The following MGAT5 variants were observed in gnomAD, a reference collection of about 807,000 sequenced individuals.
MGAT5 encodes the protein alpha-1,6-mannosylglycoprotein 6-beta-N-acetylglucosaminyltransferase.
In MGAT5, 30 loss-of-function variants were observed where a neutral mutation model predicts 94.3. The ratio of observed to expected loss-of-function variants is 0.32; its 90% CI spans 0.24 to 0.43. The LOEUF is 0.43. Among genes scored for constraint, MGAT5 ranks in the 20% least tolerant of loss-of-function variants. MGAT5 has a pLI of 1.00. For synonymous variants in MGAT5, 310 were observed against 322.9 expected, an observed-to-expected ratio of 0.96 and a Z score of 0.43; for missense variants, 691 against 905.5, an observed-to-expected ratio of 0.76 and a Z score of 3.04.
At chr2:134,202,821 A>G (rs1319273943) in intron 1 of MGAT5, among the ~76,000 whole-genome samples, 3 of 152,330 alleles carry the variant, frequency 2.0e-5, no homozygotes, top group East Asian at 3.9e-4. Flanking sequence ...AATGTAACCC[A>G]ACAACAAACA....
Position 134,274,560 on chromosome 2 carries a change from C to T in MGAT5, c.406+4010C>T, listed in dbSNP as rs556049959. Among the ~76,000 whole-genome samples the T allele has an allele frequency of 2.0e-5, 3 of 147,498 alleles. No individual in the cohort carries two copies. In the South Asian group the frequency reaches 6.5e-4, roughly 32 times the overall value. On this transcript the variant is annotated intron_variant, in intron 2 of 15. Coordinates refer to ENST00000281923, the MANE Select transcript of MGAT5 (RefSeq NM_002410.5). ...GAGGACAAGAACATTGTGTAGCTCT[C>T]TACGGGGTAGTGTATGTATGTGCAT... is the stretch of plus-strand genomic sequence containing the variant.
chr2:134,183,713 T>C (rs972835373), intron 1 of MGAT5, among the ~76,000 whole-genome samples: 3 of 152,222 alleles, frequency 2.0e-5, no homozygotes, highest in Non-Finnish European at 4.4e-5. Flanking sequence ...CTATTATTTT[T>C]AAAAAATAGG....
intron 2 of MGAT5, among the ~76,000 whole-genome samples, chr2:134,308,246 A>C (rs1344152151): frequency 6.6e-6 from 1 of 152,172 alleles, no homozygotes; most frequent in African/African-American, 2.4e-5. Context: ...TTTAGAGCTC[A>C]ACTCAAATCC....
chr2:134,331,155 CA>C (rs1037835968), intron 4 of MGAT5, among the ~76,000 whole-genome samples: 1 of 152,054 alleles, frequency 6.6e-6, no homozygotes, highest in African/African-American at 2.4e-5. Flanking sequence ...CTTTGATTCA[CA>C]ATGTTCATGT....
At chr2:134,290,731 C>G (rs537451696) in intron 2 of MGAT5, among the ~76,000 whole-genome samples, 1 of 152,254 alleles carries the variant, frequency 6.6e-6, no homozygotes, top group East Asian at 1.9e-4. Flanking sequence ...TATCTGGTGT[C>G]TGCTATGAGT....
intron 1 of MGAT5, among the ~76,000 whole-genome samples, chr2:134,262,555 A>G (rs1683402860): frequency 6.6e-6 from 1 of 151,962 alleles, no homozygotes. Context: ...ATTTAAAACA[A>G]AAGTTTTTTT....
chr2:134,306,918 C>T (rs1036784015), intron 2 of MGAT5, among the ~76,000 whole-genome samples: 4 of 152,146 alleles, frequency 2.6e-5, no homozygotes, highest in Middle Eastern at 3.4e-3. Flanking sequence ...TTTAAAAGAC[C>T]GGGACATGCG....
At chr2:134,332,815 C>A (rs200078067) in intron 4 of MGAT5, among the ~76,000 whole-genome samples, 116 of 135,676 alleles carry the variant, frequency 8.5e-4, no homozygotes, top group African/African-American at 1.3e-3. Flanking sequence ...ATTTATGCAG[C>A]CAAAAAACAC....
intron 1 of MGAT5, among the ~76,000 whole-genome samples, chr2:134,206,486 T>C (rs552163671): frequency 6.6e-6 from 1 of 152,338 alleles, no homozygotes; most frequent in South Asian, 2.1e-4. Flanking sequence ...ACTTAGTGGC[T>C]TAAAAGAACA....
intron 2 of MGAT5, among the ~76,000 whole-genome samples, chr2:134,292,540 C>CT (rs1264110379): frequency 2.0e-5 from 3 of 152,286 alleles, no homozygotes; most frequent in Non-Finnish European, 4.4e-5. Context: ...GTTCTGGTTT[C>CT]TTTCTTTTTG....
intron 5 of MGAT5, 53 bp from the exon 6 acceptor site, chr2:134,338,206 T>G (rs1008994753): frequency 1.4e-5 from 20 of 1,452,410 alleles, no homozygotes; most frequent in Non-Finnish European, 1.8e-5. Flanking sequence ...TGAAAACTAT[T>G]ATGCTTTCTG....
At chr2:134,400,670 C>T (rs1682990933) in intron 10 of MGAT5, among the ~76,000 whole-genome samples, 1 of 152,130 alleles carries the variant, frequency 6.6e-6, no homozygotes, top group African/African-American at 2.4e-5. Context: ...CCAAATGGGC[C>T]AGTTACTGGT....
intron 10 of MGAT5, among the ~76,000 whole-genome samples, chr2:134,373,819 G>A (rs1680979669): frequency 6.6e-6 from 1 of 152,222 alleles, no homozygotes; most frequent in African/African-American, 2.4e-5. Flanking sequence ...CCAACTCGAT[G>A]AAGCCTTCTC....
intron 1 of MGAT5, among the ~76,000 whole-genome samples, chr2:134,243,308 G>A (rs1383878615): frequency 6.6e-6 from 1 of 152,074 alleles, no homozygotes; most frequent in Non-Finnish European, 1.5e-5. Flanking sequence ...TCATAGTTGG[G>A]AGGTCCTGGT....
intron 1 of MGAT5, among the ~76,000 whole-genome samples, chr2:134,172,980 C>T (rs917228547): frequency 2.0e-5 from 3 of 152,090 alleles, no homozygotes; most frequent in Admixed American, 6.6e-5. Context: ...AATGTCTTGA[C>T]GTGAATAAAA....
chr2:134,334,392 C>T (rs1688207176), intron 4 of MGAT5, among the ~76,000 whole-genome samples: 1 of 151,742 alleles, frequency 6.6e-6, no homozygotes, highest in Non-Finnish European at 1.5e-5. Context: ...CATCTTTCCC[C>T]ATCATGCTAT....
intron 10 of MGAT5, among the ~76,000 whole-genome samples, chr2:134,401,953 G>A (rs532194253): frequency 3.9e-5 from 6 of 152,240 alleles, no homozygotes; most frequent in South Asian, 2.1e-4. Context: ...GCCTGCCTCC[G>A]GGCTTCCCTG....
rs1683753974 is a variant in MGAT5, at chr2:134,412,864, T to TA, written c.1531-4dup. 5 of 1,614,100 alleles carry TA rather than the reference T, an allele frequency of 3.1e-6. No individual in the cohort carries two copies. Among genetic ancestry groups the TA allele is most frequent in the Admixed American group, 1.7e-5 (1 of 60,014 alleles). Reference sequence around the variant, plus strand: ...TCATACGCTGTGTGGTTTTCTGTCTTACAGTTGTTTGTTGGACTTGGGTTC... The same window carrying TA: ...TCATACGCTGTGTGGTTTTCTGTCTTAACAGTTGTTTGTTGGACTTGGGTTC... On this transcript the variant is annotated splice_region_variant and splice_polypyrimidine_tract_variant and intron_variant, in intron 11 of 15. Coordinates refer to ENST00000281923, the MANE Select transcript of MGAT5 (RefSeq NM_002410.5).
At chr2:134,194,551 A>T (rs184035509) in intron 1 of MGAT5, among the ~76,000 whole-genome samples, 41 of 152,172 alleles carry the variant, frequency 2.7e-4, no homozygotes, top group Admixed American at 3.9e-4. Flanking sequence ...AGTAATAATA[A>T]GTGTTCGAAT....
Sources: gnomAD v4.1 joint callset for allele counts (sites outside exome capture counted in the v4.1 genomes callset) on GRCh38, gnomAD v4.1.1 for gene constraint, MANE v1.5 for transcripts, NCBI Gene and HGNC (gene_info 2026-07-23, HGNC 2026-07-21) for gene names.